Variants in SLIT1 observed in about 807,000 individuals in gnomAD.
SLIT1 encodes slit homolog 1 protein.
Under a neutral mutation model 186.1 loss-of-function variants are expected in SLIT1, and 66 were observed. The observed-to-expected ratio is 0.35, with a 90% CI of 0.29 to 0.44. The LOEUF (loss-of-function observed/expected upper bound fraction) is 0.44. Ranked by LOEUF, SLIT1 falls within the 20% of genes least tolerant of loss-of-function variation. SLIT1 has a pLI of 1.00. For synonymous variants in SLIT1, 761 were observed against 833.8 expected (o/e 0.91, Z 1.50); for missense variants, 1,638 against 2,037.4 (o/e 0.80, Z 3.77).
At chr10:97,090,939 G>A (rs1031604708) in intron 4 of SLIT1, among the ~76,000 whole-genome samples, 19 of 152,210 alleles carry the variant, frequency 1.2e-4, no homozygotes, top group Non-Finnish European at 2.2e-4. Context: ...TCAGTATGGC[G>A]GCAGAGCACA....
chr10:97,166,372 C>T (rs968584597), intron 1 of SLIT1, among the ~76,000 whole-genome samples: 2 of 151,312 alleles, frequency 1.3e-5, no homozygotes, highest in East Asian at 2.0e-4. Flanking sequence ...AAAAAATTAT[C>T]GGGCATGGTG....
At chr10:97,157,913 A>C in intron 3 of SLIT1, 24 bp from the exon 4 acceptor site, 3 of 1,579,334 alleles carry the variant, frequency 1.9e-6, no homozygotes, top group Non-Finnish European at 2.6e-6. Flanking sequence ...GAAGAATTGG[A>C]AATCACCTAG....
intron 1 of SLIT1, among the ~76,000 whole-genome samples, chr10:97,166,649 G>GGAAAA (rs1564692901): frequency 4.4e-5 from 6 of 135,218 alleles, no homozygotes; most frequent in East Asian, 2.1e-4. Context: ...AGAAAGGAAA[G>GGAAAA]GAAAAGAAAA....
At chr10:97,141,365 A>G (rs6584110) in intron 4 of SLIT1, among the ~76,000 whole-genome samples, 3,251 of 151,990 alleles carry the variant, frequency 0.021, 108 homozygotes, top group African/African-American at 0.073. Flanking sequence ...GTTCCTCTAC[A>G]TTTTCTTTTC....
chr10:97,093,304 T>G (rs1359277390), intron 4 of SLIT1, among the ~76,000 whole-genome samples: 1 of 152,212 alleles, frequency 6.6e-6, no homozygotes, highest in Admixed American at 6.5e-5. Context: ...CTCCCCTTTT[T>G]CCTTCTTACA....
At chr10:97,029,589 C>A (rs1281353058) in intron 25 of SLIT1, among the ~76,000 whole-genome samples, 1 of 152,200 alleles carries the variant, frequency 6.6e-6, no homozygotes, top group Non-Finnish European at 1.5e-5. Flanking sequence ...CTGTCACAGT[C>A]CAGTGCTTTT....
chr10:97,182,340 G>A (rs1850349823), intron 1 of SLIT1, among the ~76,000 whole-genome samples: 2 of 152,196 alleles, frequency 1.3e-5, no homozygotes. Flanking sequence ...AGGACAAAAG[G>A]CAAATGCACA....
intron 4 of SLIT1, among the ~76,000 whole-genome samples, chr10:97,126,646 C>T (rs2134691500): frequency 6.6e-6 from 1 of 152,350 alleles, no homozygotes; most frequent in Non-Finnish European, 1.5e-5. Context: ...TAAGCTCCAC[C>T]TTACAGCTGG....
intron 4 of SLIT1, among the ~76,000 whole-genome samples, chr10:97,087,142 G>T (rs1407566120): frequency 6.6e-6 from 1 of 150,792 alleles, no homozygotes; most frequent in Non-Finnish European, 1.5e-5. Flanking sequence ...AGATTGACTG[G>T]ACTGGATAAG....
rs1460372688 is a variant in SLIT1, at chr10:97,068,414, C to T, written c.414-2328G>A. The stretch of plus-strand genomic sequence containing the variant: ...CAGAGTGGGCACCAACATCTATGTG[C>T]TCCCTCCCCCAAACCCAGCCCCTCT... On this transcript the variant is annotated intron_variant, in intron 4 of 36. Transcript: ENST00000266058. The surrounding 1 kb of genome is among the most constrained non-coding windows in gnomAD (Gnocchi z 4.2). Among the ~76,000 whole-genome samples, 2 of 152,150 alleles carry T rather than the reference C, an allele frequency of 1.3e-5. No individual in the cohort carries two copies. The highest frequency in any genetic ancestry group is 2.9e-5 in the Non-Finnish European group (2 of 68,010).
At chr10:97,102,422 C>T (rs1172819234) in intron 4 of SLIT1, 1 of 102,642 alleles carries the variant, frequency 9.7e-6, no homozygotes, top group East Asian at 2.7e-4. Context: ...AAGACTCCGT[C>T]AAAAAAAAAA....
intron 35 of SLIT1, 50 bp downstream of exon 35, chr10:97,002,654 G>A (rs778798218): frequency 7.4e-6 from 11 of 1,486,604 alleles, no homozygotes; most frequent in Admixed American, 4.3e-5. Flanking sequence ...TTCCCATGGG[G>A]AAGGAACAGG....
intron 4 of SLIT1, among the ~76,000 whole-genome samples, chr10:97,104,907 C>T (rs1286302911): frequency 6.6e-6 from 1 of 152,196 alleles, no homozygotes; most frequent in Non-Finnish European, 1.5e-5. Context: ...ACGCTGGTCT[C>T]ATCTCCCCAG....
At chr10:97,126,256 A>C (rs1849602706) in intron 4 of SLIT1, among the ~76,000 whole-genome samples, 1 of 152,228 alleles carries the variant, frequency 6.6e-6, no homozygotes, top group African/African-American at 2.4e-5. Context: ...GAGGGCTATA[A>C]ACTGTAACAG....
chr10:97,039,091 G>A (rs1848667299), intron 21 of SLIT1, among the ~76,000 whole-genome samples: 1 of 152,200 alleles, frequency 6.6e-6, no homozygotes, highest in African/African-American at 2.4e-5. Context: ...TGGTTGATGT[G>A]CTTGTGAAGA....
At chr10:97,065,108 A>T (rs1848931578) in intron 5 of SLIT1, among the ~76,000 whole-genome samples, 2 of 151,330 alleles carry the variant, frequency 1.3e-5, no homozygotes, top group South Asian at 2.1e-4. Context: ...ACTCAACCTT[A>T]CATATCCCCT....
At chr10:97,041,462 G>A (rs968503919) in intron 20 of SLIT1, among the ~76,000 whole-genome samples, 1 of 144,170 alleles carries the variant, frequency 6.9e-6, no homozygotes, top group South Asian at 2.2e-4. Context: ...GGGGTAGTGG[G>A]CAAATCGTTA....
At position 97,011,172 on chromosome 10, in the gene SLIT1, CAG is replaced by C. The variant is rs1848407506; in HGVS notation, c.3204-44_3204-43del. 3.9e-6 allele frequency: 6 copies of C among 1,525,742 alleles called. No homozygotes were observed. The South Asian group carries it at 4.5e-5, about 11-fold the overall frequency. 94.5% of individuals were successfully genotyped at this position (1,525,742 alleles called of 1,614,324 possible). ...AGGGGTAGTTGGGGGGTCAGCCACA[CAG>C]AGTCTGGGAGGCCAGGGGAGCGCAC... On this transcript the variant is annotated intron_variant, in intron 30 of 36. Coordinates refer to ENST00000266058, the MANE Select transcript of SLIT1 (RefSeq NM_003061.3).
chr10:97,019,733 C>A (rs1425487716), intron 26 of SLIT1, among the ~76,000 whole-genome samples: 1 of 152,108 alleles, frequency 6.6e-6, no homozygotes, highest in Non-Finnish European at 1.5e-5. Context: ...ACCAGAGGAG[C>A]CGACAGCCAG....
Sources: allele counts gnomAD v4.1 joint callset (sites outside exome capture counted in the v4.1 genomes callset), GRCh38; gene constraint gnomAD v4.1.1; non-coding constraint Gnocchi (gnomAD v3.1); transcripts MANE v1.5; gene names NCBI Gene and HGNC (gene_info 2026-07-23, HGNC 2026-07-21).